RMST: variants seen among roughly 807,000 people sequenced by gnomAD.
The protein encoded by RMST is rhabdomyosarcoma 2 associated transcript, also known as long intergenic non-protein coding RNA 54.
intron 4 of RMST, among the ~76,000 whole-genome samples, chr12:97,464,027 G>A (rs1282676201): frequency 2.6e-5 from 4 of 151,990 alleles, no homozygotes; most frequent in African/African-American, 7.3e-5. Flanking sequence ...TGAATGAGTC[G>A]CACGCTAAAA....
At chr12:97,476,341 C>T (rs1185250496) in intron 5 of RMST, among the ~76,000 whole-genome samples, 1 of 152,232 alleles carries the variant, frequency 6.6e-6, no homozygotes, top group African/African-American at 2.4e-5. Flanking sequence ...ATAACTTCAG[C>T]TTCTTCTCCT....
intron 11 of RMST, among the ~76,000 whole-genome samples, chr12:97,558,304 A>G (rs1015303601): frequency 2.0e-5 from 3 of 152,172 alleles, no homozygotes; most frequent in Non-Finnish European, 4.4e-5. Flanking sequence ...GTTCTGGCCG[A>G]TGGCTTATTT....
At chr12:97,528,851 A>G (rs1881370601) in intron 10 of RMST, among the ~76,000 whole-genome samples, 2 of 152,108 alleles carry the variant, frequency 1.3e-5, no homozygotes, top group African/African-American at 4.8e-5. Context: ...TGCCAAGGCT[A>G]TGATAATGGA....
At chr12:97,490,446 T>C (rs2136447862) in intron 5 of RMST, among the ~76,000 whole-genome samples, 1 of 152,308 alleles carries the variant, frequency 6.6e-6, no homozygotes, top group South Asian at 2.1e-4. Flanking sequence ...TGTTTCGTCA[T>C]CTGTTAAATT....
At chr12:97,487,097 G>T (rs1442931617) in intron 5 of RMST, among the ~76,000 whole-genome samples, 3 of 152,150 alleles carry the variant, frequency 2.0e-5, no homozygotes, top group Non-Finnish European at 4.4e-5. Flanking sequence ...CCTAAGAAAA[G>T]AATTTCCAGT....
intron 9 of RMST, chr12:97,495,805 C>G (rs1045095469): frequency 1.3e-5 from 2 of 152,068 alleles, no homozygotes; most frequent in African/African-American, 4.8e-5. Context: ...TCTGGGATGA[C>G]AACTTTGGGG....
intron 5 of RMST, chr12:97,492,369 AT>A (rs957422550): frequency 6.5e-6 from 1 of 153,122 alleles, no homozygotes; most frequent in African/African-American, 2.4e-5. Context: ...CTTTTCTAGG[AT>A]TTTACTAGGA....
chr12:97,472,535 G>A (rs949850417), intron 5 of RMST, among the ~76,000 whole-genome samples: 2 of 152,090 alleles, frequency 1.3e-5, no homozygotes, highest in African/African-American at 4.8e-5. Context: ...AGTCCAGTCC[G>A]TGACAATTAA....
intron 5 of RMST, among the ~76,000 whole-genome samples, chr12:97,470,329 T>G (rs760084972): frequency 6.6e-5 from 10 of 151,874 alleles, no homozygotes; most frequent in Non-Finnish European, 1.0e-4. Context: ...GAGAAGAATA[T>G]TAAAAAGATA....
chr12:97,507,221 A>G (rs995703378), intron 10 of RMST, among the ~76,000 whole-genome samples: 4 of 151,650 alleles, frequency 2.6e-5, no homozygotes, highest in African/African-American at 9.7e-5. Flanking sequence ...TCTGCTTTTT[A>G]AACAGCTTTG....
chr12:97,491,899 G>T, intron 5 of RMST: 1 of 530,556 alleles, frequency 1.9e-6, no homozygotes, highest in Non-Finnish European at 3.9e-6. Context: ...AGCGTCCATG[G>T]GTCAGCTATG....
chr12:97,468,401 C>A (rs888400303), intron 5 of RMST, among the ~76,000 whole-genome samples: 46 of 152,004 alleles, frequency 3.0e-4, no homozygotes, highest in African/African-American at 9.9e-4. Flanking sequence ...AGTTGCTAGA[C>A]TTTATGATCC....
chr12:97,558,816 T>G (rs2136668549), intron 11 of RMST, among the ~76,000 whole-genome samples: 1 of 152,294 alleles, frequency 6.6e-6, no homozygotes, highest in Admixed American at 6.5e-5. Context: ...ACAGCATCAC[T>G]TAGACTCCTG....
At chr12:97,471,917 C>T (rs1033437141) in intron 5 of RMST, among the ~76,000 whole-genome samples, 2 of 152,026 alleles carry the variant, frequency 1.3e-5, no homozygotes, top group African/African-American at 4.8e-5. Flanking sequence ...TTGGCTTCCT[C>T]TTGAATTCTT....
intron 5 of RMST, among the ~76,000 whole-genome samples, chr12:97,478,925 C>T (rs1037566642): frequency 1.3e-5 from 2 of 152,024 alleles, no homozygotes; most frequent in African/African-American, 2.4e-5. Flanking sequence ...AGCAGAGCAG[C>T]CTCTAGTAGA....
chr12:97,550,833 T>A (rs1033800289), intron 11 of RMST, among the ~76,000 whole-genome samples: 2 of 152,168 alleles, frequency 1.3e-5, no homozygotes, highest in African/African-American at 2.4e-5. Flanking sequence ...GTATTTGGCT[T>A]TTCTGGAATT....
intron 5 of RMST, among the ~76,000 whole-genome samples, chr12:97,489,299 T>C (rs906443373): frequency 1.3e-5 from 2 of 151,768 alleles, no homozygotes; most frequent in African/African-American, 2.4e-5. Flanking sequence ...TACAAAAAAT[T>C]AGTCAGGCAT....
At chr12:97,564,226 A>G in exon 14 of RMST, 1 of 183,490 alleles carries the variant, frequency 5.4e-6, no homozygotes, top group Non-Finnish European at 1.2e-5. Context: ...TTCTTTCGCC[A>G]CCTGTTGAGG....
chr12:97,540,020 A>C (rs1882377331), intron 11 of RMST, among the ~76,000 whole-genome samples: 1 of 151,708 alleles, frequency 6.6e-6, no homozygotes, highest in African/African-American at 2.4e-5. Context: ...ATTTTGATTT[A>C]GTTTTATTAC....
Sources: allele counts gnomAD v4.1 joint callset (sites outside exome capture counted in the v4.1 genomes callset), GRCh38; gene constraint gnomAD v4.1.1; transcripts MANE v1.5; gene names NCBI Gene and HGNC (gene_info 2026-07-23, HGNC 2026-07-21).